The following NLGN4X variants were observed in gnomAD, a reference collection of about 807,000 sequenced individuals.
NLGN4X encodes neuroligin 4 X-linked.
A neutral mutation model predicts 40.3 loss-of-function variants in NLGN4X; 3 were observed. The observed-to-expected ratio is 0.07, with a 90% confidence interval of 0.03 to 0.19. The LOEUF (loss-of-function observed/expected upper bound fraction) is 0.19, where lower values mean the gene tolerates loss of function less well. Among genes scored for constraint, NLGN4X ranks in the 10% least tolerant of loss-of-function variants. The probability of loss-of-function intolerance (pLI) is 1.00; values close to 1 mark genes in which losing one functional copy is unlikely to be tolerated. For synonymous variants in NLGN4X, 270 were observed against 306.8 expected (o/e 0.88, Z 1.25); for missense variants, 382 against 708.3 (o/e 0.54, Z 5.23).
intron 2 of NLGN4X, among the ~76,000 whole-genome samples, chrX:6,110,606 T>A (rs893850707): frequency 9.0e-6 from 1 of 111,689 alleles, no homozygotes; most frequent in African/African-American, 3.3e-5. Context: ...AAGCCCCTGT[T>A]CCATGGAGGC....
At chrX:6,075,598 G>A (rs1330725106) in intron 2 of NLGN4X, among the ~76,000 whole-genome samples, 2 of 111,222 alleles carry the variant, frequency 1.8e-5, no homozygotes, top group Non-Finnish European at 3.8e-5. Flanking sequence ...CATGGAGGTG[G>A]ATCCCTCATG....
chrX:6,046,455 A>G (rs759559194), intron 2 of NLGN4X, among the ~76,000 whole-genome samples: 2 of 111,616 alleles, frequency 1.8e-5, no homozygotes, highest in South Asian at 3.7e-4. Flanking sequence ...AAAAAGTACC[A>G]TTAGCTAAAA....
chrX:6,025,307 C>T (rs536494340), intron 3 of NLGN4X, among the ~76,000 whole-genome samples: 1 of 111,826 alleles, frequency 8.9e-6, no homozygotes, highest in African/African-American at 3.3e-5. Flanking sequence ...TTGTGTAGCA[C>T]AGTTCTGATT....
intron 2 of NLGN4X, among the ~76,000 whole-genome samples, chrX:6,115,000 T>C (rs1000443732): frequency 2.7e-5 from 3 of 112,552 alleles, no homozygotes; most frequent in African/African-American, 9.7e-5. Flanking sequence ...GGGTTCATGT[T>C]CTAAAGTGGA....
chrX:5,973,119 G>C (rs2035073527), intron 3 of NLGN4X, among the ~76,000 whole-genome samples: 1 of 112,516 alleles, frequency 8.9e-6, no homozygotes, highest in Middle Eastern at 4.6e-3. Flanking sequence ...CAGATGAACA[G>C]CCTAACTCAT....
intron 3 of NLGN4X, among the ~76,000 whole-genome samples, chrX:5,993,255 C>T (rs1264222983): frequency 1.8e-5 from 2 of 111,269 alleles, no homozygotes; most frequent in African/African-American, 3.3e-5. Context: ...TATGTACATG[C>T]ATAGTCAAAT....
intron 3 of NLGN4X, among the ~76,000 whole-genome samples, chrX:5,937,317 C>T (rs1374389681): frequency 9.0e-6 from 1 of 111,190 alleles, no homozygotes; most frequent in African/African-American, 3.3e-5. Context: ...CTCAAGCGAT[C>T]CTCCCACTTC....
chrX:5,957,190 C>T (rs1001732725), intron 3 of NLGN4X, among the ~76,000 whole-genome samples: 2 of 111,914 alleles, frequency 1.8e-5, no homozygotes, highest in Admixed American at 1.9e-4. Context: ...ATTTAATACC[C>T]TCCAGAATAA....
chrX:6,170,595 C>T (rs953728153), intron 1 of NLGN4X, among the ~76,000 whole-genome samples: 1 of 112,011 alleles, frequency 8.9e-6, no homozygotes, highest in Non-Finnish European at 1.9e-5. Flanking sequence ...GGTCAAACTA[C>T]TACAAGTGTT....
chrX:6,004,569 G>T (rs1236980152), intron 3 of NLGN4X, among the ~76,000 whole-genome samples: 2 of 112,065 alleles, frequency 1.8e-5, no homozygotes, highest in African/African-American at 6.5e-5. Flanking sequence ...TGTTTCATTT[G>T]ATAGGAATGG....
intron 3 of NLGN4X, among the ~76,000 whole-genome samples, chrX:5,978,168 C>G (rs2035234737): frequency 8.9e-6 from 1 of 112,105 alleles, no homozygotes; most frequent in African/African-American, 3.2e-5. Flanking sequence ...TTAAAAAAAT[C>G]AATTTAATTG....
chrX:5,909,365 C>A, intron 3 of NLGN4X, 126 bp from the exon 4 acceptor site: 2 of 799,421 alleles, frequency 2.5e-6, no homozygotes, highest in Non-Finnish European at 3.6e-6. Flanking sequence ...TCACCCCCAC[C>A]AATTAGAGGA....
At chrX:5,993,858 G>A (rs1345781676) in intron 3 of NLGN4X, among the ~76,000 whole-genome samples, 1 of 111,820 alleles carries the variant, frequency 8.9e-6, no homozygotes, top group Non-Finnish European at 1.9e-5. Context: ...AGTGATGGAG[G>A]GAGGAAAGAG....
intron 3 of NLGN4X, among the ~76,000 whole-genome samples, chrX:6,005,177 C>T (rs1182395227): frequency 8.9e-6 from 1 of 112,135 alleles, no homozygotes. Context: ...TGAGACAAGG[C>T]AGTGAATGGG....
intron 2 of NLGN4X, among the ~76,000 whole-genome samples, chrX:6,103,617 T>C (rs1022613350): frequency 9.0e-6 from 1 of 111,669 alleles, no homozygotes; most frequent in African/African-American, 3.3e-5. Context: ...CCTGTGCAGA[T>C]GTGGACACCA....
In NLGN4X at chrX:6,219,544, T is replaced by TTTTC. The variant is rs200235998; in HGVS notation, c.-306+8993_-306+8996dup. Among the ~76,000 whole-genome samples the TTTTC allele has an allele frequency of 2.2e-3, 207 of 94,667 alleles. 1 individual carries two copies. Among genetic ancestry groups the TTTTC allele is most frequent in the East Asian group, 0.011 (34 of 3,074 alleles). The allele number at this position is 94,667 out of a possible 115,157, so 82.2% of individuals were successfully genotyped here. On this transcript the variant is annotated intron_variant, in intron 1 of 5. Transcript: ENST00000381095. ...GCTTCCTTTCTTCCTTCCTTTTCTCTTTTCTTTCTTTCTTTCTTTCTTTCT... is the reference window on the plus strand; with the variant it reads ...GCTTCCTTTCTTCCTTCCTTTTCTCTTTTCTTTCTTTCTTTCTTTCTTTCTTTCT...
intron 3 of NLGN4X, among the ~76,000 whole-genome samples, chrX:5,965,754 G>A (rs1277223205): frequency 8.9e-6 from 1 of 111,894 alleles, no homozygotes; most frequent in African/African-American, 3.2e-5. Flanking sequence ...GACACAAGGT[G>A]ACACTTTTAT....
rs138652800 is a variant in NLGN4X, at chrX:6,175,373, C to G, written c.-305-23602G>C. 8.5e-3 allele frequency among the ~76,000 whole-genome samples: 945 copies of G among 110,575 alleles called. 8 individuals are homozygous for G. Among genetic ancestry groups the G allele is most frequent in the African/African-American group, 0.03 (905 of 30,420 alleles). On this transcript the variant is annotated intron_variant, in intron 1 of 5. Coordinates refer to ENST00000381095, the MANE Select transcript of NLGN4X (RefSeq NM_181332.3). ...AATCATTTTATTAAACACTACCCAACACCATCTAGTATTTAACCAGTTCCA... is the reference window on the plus strand; with the variant it reads ...AATCATTTTATTAAACACTACCCAAGACCATCTAGTATTTAACCAGTTCCA...
intron 1 of NLGN4X, chrX:6,226,923 C>T (rs1457118309): frequency 8.4e-6 from 1 of 118,825 alleles, no homozygotes; most frequent in Non-Finnish European, 1.7e-5. Context: ...ACGCGGGTGC[C>T]AGCGCGGGCT....
Sources: gnomAD v4.1 joint callset for allele counts (sites outside exome capture counted in the v4.1 genomes callset) on GRCh38, gnomAD v4.1.1 for gene constraint, MANE v1.5 for transcripts, NCBI Gene and HGNC (gene_info 2026-07-23, HGNC 2026-07-21) for gene names.